Variants in SPTAN1 observed in about 807,000 individuals in gnomAD.
SPTAN1 encodes spectrin alpha, non-erythrocytic 1, also known as spectrin alpha chain, non-erythrocytic 1.
In SPTAN1, 61 loss-of-function variants were observed where a neutral mutation model predicts 331.3. The ratio of observed to expected loss-of-function variants is 0.18; its 90% CI spans 0.15 to 0.23. The LOEUF (loss-of-function observed/expected upper bound fraction) is 0.23. Among genes scored for constraint, SPTAN1 ranks in the 10% least tolerant of loss-of-function variants. The pLI is 1.00. For missense variants in SPTAN1, 2,043 were observed against 3,147.9 expected (o/e 0.65, Z 8.40); for synonymous variants, 1,153 against 1,173.9 (o/e 0.98, Z 0.36).
chr9:128,633,204 C>G lies in SPTAN1; in HGVS notation c.7309-5C>G. 1.2e-6 allele frequency: 2 copies of G among 1,614,022 alleles called. No individual in the cohort carries two copies. Among genetic ancestry groups the G allele is most frequent in the South Asian group, 1.1e-5 (1 of 91,084 alleles). On this transcript the variant is annotated splice_polypyrimidine_tract_variant and splice_region_variant and intron_variant, in intron 56 of 56. Transcript: ENST00000372739. ...AGGCACCAGGTGCCATCTCTTACCC[C>G]ACAGAACCTGACCCGGGAACAAGCC...
At chr9:128,592,821 G>T (rs913855524) in intron 22 of SPTAN1, among the ~76,000 whole-genome samples, 162 bp from the exon 23 acceptor site, 1 of 152,156 alleles carries the variant, frequency 6.6e-6, no homozygotes, top group African/African-American at 2.4e-5. Context: ...TTACTGTCAT[G>T]TCACTCATGA....
rs1554756995 is a variant in SPTAN1, at chr9:128,606,499, G to GT, written c.4046+1022_4046+1023insT. 2.5e-4 allele frequency among the ~76,000 whole-genome samples: 36 copies of GT among 145,408 alleles called. 1 individual carries two copies. The highest frequency in any genetic ancestry group is 3.3e-3 in the Middle Eastern group (1 of 306). On this transcript the variant is annotated intron_variant, in intron 31 of 56. Coordinates refer to ENST00000372739, the MANE Select transcript of SPTAN1 (RefSeq NM_001130438.3). Reference sequence around the variant, plus strand: ...TATATATATATATATTTTTTTTTTGGGGGGGGAAGCGTTTCGCTTTTGTGC... The same window carrying GT: ...TATATATATATATATTTTTTTTTTGGTGGGGGGAAGCGTTTCGCTTTTGTGC...
intron 44 of SPTAN1, among the ~76,000 whole-genome samples, chr9:128,619,949 C>T (rs1445179235): frequency 6.6e-6 from 1 of 152,236 alleles, no homozygotes; most frequent in Non-Finnish European, 1.5e-5. Flanking sequence ...ATCCATCACA[C>T]ACTGGCAGCT....
intron 11 of SPTAN1, 77 bp from the exon 12 acceptor site, chr9:128,581,705 A>G: frequency 8.2e-7 from 1 of 1,213,846 alleles, no homozygotes; most frequent in Non-Finnish European, 1.2e-6. Flanking sequence ...ATTTTGGCCA[A>G]AATACCCTTT....
Position 128,568,766 on chromosome 9 carries a change from C to T in SPTAN1, c.238-6C>T. 6.2e-7 allele frequency: 1 copy of T among 1,613,934 alleles called. No homozygotes were observed. Among genetic ancestry groups the T allele is most frequent in the Non-Finnish European group, 8.5e-7 (1 of 1,179,954 alleles). ...GTCTGAGGCTCACTTCAAGGTCCGC[C>T]AACAGGGAAAGCTTCAGAAGCATCA... On this transcript the variant is annotated splice_region_variant and splice_polypyrimidine_tract_variant and intron_variant, in intron 2 of 56. Transcript: ENST00000372739.
At position 128,577,640 on chromosome 9, in the gene SPTAN1, C is replaced by T; in HGVS notation, c.1085+134C>T. On this transcript the variant is annotated intron_variant, in intron 8 of 56. Transcript: ENST00000372739. The surrounding 1 kb of genome is among the most constrained non-coding windows in gnomAD (Gnocchi z 4.2). ...ACCTACAAATGCAAATCACTTCTTA[C>T]CTATGTTCTCTCTGTTTGGAGACTG... The T allele has an allele frequency of 8.4e-7, 1 of 1,195,498 alleles. No individual in the cohort carries two copies. Among genetic ancestry groups the T allele is most frequent in the Middle Eastern group, 2.7e-4 (1 of 3,710 alleles). The allele number at this position is 1,195,498 out of a possible 1,614,324, so 74.1% of individuals were successfully genotyped here. A position where few individuals can be genotyped will look rare whatever the true frequency, so the allele number is the denominator to read the frequency against.
At chr9:128,615,919 G>T in intron 41 of SPTAN1, 79 bp downstream of exon 41, 1 of 1,499,992 alleles carries the variant, frequency 6.7e-7, no homozygotes. Context: ...ACTGTTGAGT[G>T]GTGAGGCTGG....
intron 44 of SPTAN1, 108 bp from the exon 45 acceptor site, chr9:128,621,050 G>A: frequency 1.2e-6 from 1 of 843,774 alleles, no homozygotes; most frequent in South Asian, 1.3e-5. Flanking sequence ...AGACTGTAAT[G>A]TGTGCATGGA....
At position 128,621,205 on chromosome 9, in the gene SPTAN1, C is replaced by T. The variant is rs1857806545; in HGVS notation, c.5781C>T (p.His1927=). The T allele has an allele frequency of 6.2e-7, 1 of 1,614,012 alleles. No homozygotes were observed. Among genetic ancestry groups the T allele is most frequent in the Non-Finnish European group, 8.5e-7 (1 of 1,180,048 alleles). ...HEAFETDFTV[H]KDRVNDVCTN... is the part of the protein sequence containing the mutation. The stretch of plus-strand genomic sequence containing the variant: ...CTTTTGAGACAGACTTCACCGTCCA[C>T]AAGGATCGCGTGAATGATGTCTGCA... Residue 1927 remains histidine, a synonymous_variant, in exon 45 of 57, where the codon CAC becomes CAT. Transcript: ENST00000372739.
intron 24 of SPTAN1, among the ~76,000 whole-genome samples, chr9:128,597,259 C>CAT (rs1854435595): frequency 1.3e-5 from 2 of 152,174 alleles, no homozygotes; most frequent in Non-Finnish European, 2.9e-5. Flanking sequence ...CTGCTTTGGC[C>CAT]TCCCATAGTC....
intron 38 of SPTAN1, 106 bp from the exon 39 acceptor site, chr9:128,612,003 A>G (rs1172955307): frequency 3.3e-5 from 53 of 1,607,100 alleles, no homozygotes; most frequent in Non-Finnish European, 4.0e-5. Flanking sequence ...AATGGCTCCT[A>G]TGAGTGTTTT....
At position 128,566,844 on chromosome 9, in the gene SPTAN1, T is replaced by G. The variant is rs748879524; in HGVS notation, c.104T>G (p.Leu35Arg). Residue 35 changes from leucine (L) to arginine (R), a missense_variant, in exon 2 of 57, where the codon CTT becomes CGT. This residue lies in a region of SPTAN1 where 1,038 missense variants were observed against 1,531.5 expected (regional missense o/e 0.68). Transcript: ENST00000372739. ...RYHRFKELST[L>R]RRQKLEDSYR... ...CACCGCTTCAAGGAACTCTCAACCC[T>G]TAGGCGTCAGAAGCTGGAAGATTCC... 17 of 1,614,084 alleles carry G rather than the reference T, an allele frequency of 1.1e-5. No homozygotes were observed. Among genetic ancestry groups the G allele is most frequent in the South Asian group, 4.4e-5 (4 of 91,080 alleles).
At chr9:128,612,840 G>A (rs1856720672) in intron 39 of SPTAN1, among the ~76,000 whole-genome samples, 1 of 151,972 alleles carries the variant, frequency 6.6e-6, no homozygotes, top group Admixed American at 6.6e-5. Flanking sequence ...CAGGAGAATC[G>A]CTTGAACCTG....
At chr9:128,598,272 C>G in intron 24 of SPTAN1, 128 bp from the exon 25 acceptor site, 6 of 733,478 alleles carry the variant, frequency 8.2e-6, no homozygotes, top group South Asian at 6.4e-5. Flanking sequence ...TTTAATCCCC[C>G]CCTTTTTTTT....
chr9:128,611,316 A>G (rs1001209509), intron 37 of SPTAN1, among the ~76,000 whole-genome samples: 1 of 152,096 alleles, frequency 6.6e-6, no homozygotes, highest in Non-Finnish European at 1.5e-5. Context: ...CAAAAAATAG[A>G]AAAATTAGCT....
rs541407778 is a variant in SPTAN1, at chr9:128,629,558, C to T, written c.6708-763C>T. On this transcript the variant is annotated intron_variant, in intron 51 of 56. Coordinates refer to ENST00000372739, the MANE Select transcript of SPTAN1 (RefSeq NM_001130438.3). The surrounding 1 kb of genome is among the most constrained non-coding windows in gnomAD (Gnocchi z 4.9). ...TAAAACCCCACCAAGGCCACACGCA[C>T]CGTGTGATTCGTCCCTGCACGTAAC... is the stretch of plus-strand genomic sequence containing the variant. The T allele has an allele frequency of 5.0e-6, 1 of 199,028 alleles. No individual in the cohort carries two copies. Among genetic ancestry groups the T allele is most frequent in the African/African-American group, 2.3e-5 (1 of 43,398 alleles). The allele number at this position is 199,028 out of a possible 1,614,324, so 12.3% of individuals were successfully genotyped here. A position where few individuals can be genotyped will look rare whatever the true frequency, so the allele number is the denominator to read the frequency against.
At chr9:128,569,857 C>T (rs1408120332) in intron 3 of SPTAN1, among the ~76,000 whole-genome samples, 2 of 152,070 alleles carry the variant, frequency 1.3e-5, no homozygotes, top group Non-Finnish European at 2.9e-5. Flanking sequence ...CTCACGTTTG[C>T]TTGGCAATAC....
chr9:128,614,376 G>T (rs1019484624), intron 40 of SPTAN1, among the ~76,000 whole-genome samples: 4 of 152,114 alleles, frequency 2.6e-5, no homozygotes, highest in Admixed American at 1.3e-4. Flanking sequence ...TGGATCGCCT[G>T]AGCTCAGGAG....
Position 128,632,234 on chromosome 9 carries a change from C to G in SPTAN1, c.6870C>G (p.His2290Gln). The G allele has an allele frequency of 6.2e-7, 1 of 1,613,380 alleles. No individual in the cohort carries two copies. The highest frequency in any genetic ancestry group is 8.5e-7 in the Non-Finnish European group (1 of 1,179,942). ...TCCTGGACAACAAGTACACGGAGCA[C>G]AGCACCGTGGGCCTCGCCCAGCAGT... ...ALILDNKYTE[H>Q]STVGLAQQWD... is the part of the protein sequence containing the mutation. The change falls in exon 53 of 57, where the codon CAC (histidine) becomes CAG (glutamine). Residue 2290 changes from histidine to glutamine, a missense_variant. Physicochemically the swap from His to Gln is conservative, Grantham distance 24 (BLOSUM62 0). Coordinates refer to ENST00000372739, the MANE Select transcript of SPTAN1 (RefSeq NM_001130438.3).
Sources: allele counts gnomAD v4.1 joint callset (sites outside exome capture counted in the v4.1 genomes callset), GRCh38; gene constraint gnomAD v4.1.1; regional missense constraint gnomAD v4.1.1; non-coding constraint Gnocchi (gnomAD v3.1); transcripts MANE v1.5; gene names NCBI Gene and HGNC (gene_info 2026-07-23, HGNC 2026-07-21).